Variants in RNF130 observed in about 807,000 individuals in gnomAD.
RNF130 encodes the protein E3 ubiquitin-protein ligase RNF130.
In RNF130, 21 loss-of-function variants were observed where a neutral mutation model predicts 44.6. That is an observed-to-expected ratio of 0.47 (90% CI 0.33 to 0.68). The LOEUF (loss-of-function observed/expected upper bound fraction) is 0.68. Among genes scored for constraint, RNF130 ranks in the 30% least tolerant of loss-of-function variants. The pLI, the probability that RNF130 is intolerant of heterozygous loss-of-function variation, is 0.02. For synonymous variants in RNF130, 214 were observed against 210.4 expected (o/e 1.02, Z -0.15); for missense variants, 479 against 560.6 (o/e 0.85, Z 1.47).
intron 5 of RNF130, among the ~76,000 whole-genome samples, chr5:179,972,538 T>C (rs1218847689): frequency 1.3e-5 from 2 of 151,616 alleles, no homozygotes; most frequent in Admixed American, 1.3e-4. Context: ...GGGGGAGGCC[T>C]AGGTGCCTTG....
At chr5:180,062,284 T>C (rs1268719880) in intron 1 of RNF130, among the ~76,000 whole-genome samples, 1 of 151,870 alleles carries the variant, frequency 6.6e-6, no homozygotes, top group Non-Finnish European at 1.5e-5. Flanking sequence ...ATGGTCTCGA[T>C]CTCCTGACCT....
intron 3 of RNF130, among the ~76,000 whole-genome samples, chr5:180,009,580 G>T (rs1012387889): frequency 2.0e-4 from 31 of 152,322 alleles, no homozygotes; most frequent in Middle Eastern, 6.8e-3. Flanking sequence ...ACCAAGTGCT[G>T]TCGAGAGTGT....
intron 2 of RNF130, among the ~76,000 whole-genome samples, chr5:180,019,815 C>T (rs1763831667): frequency 6.6e-6 from 1 of 152,198 alleles, no homozygotes; most frequent in Non-Finnish European, 1.5e-5. Flanking sequence ...TCCCTTCTGT[C>T]AGAAAAATAA....
intron 7 of RNF130, chr5:179,934,323 C>CGGCGACCACCGAGA: frequency 6.5e-6 from 1 of 154,212 alleles, no homozygotes; most frequent in Admixed American, 6.4e-5. Flanking sequence ...AAATCTGAAA[C>CGGCGACCACCGAGA]TCTACACCCA....
chr5:179,963,375 G>T, intron 8 of RNF130, 96 bp downstream of exon 8: 1 of 867,914 alleles, frequency 1.2e-6, no homozygotes, highest in Non-Finnish European at 1.9e-6. Flanking sequence ...TATGAAACTG[G>T]TAGAAAGCCA....
exon 8 of RNF130, chr5:179,912,262 C>T (rs766243139): frequency 4.6e-5 from 7 of 152,228 alleles, no homozygotes. Context: ...ACAACTGTGA[C>T]ATATGTGGCC....
intron 2 of RNF130, among the ~76,000 whole-genome samples, chr5:180,037,200 T>A (rs540874967): frequency 6.6e-6 from 1 of 152,194 alleles, no homozygotes; most frequent in African/African-American, 2.4e-5. Flanking sequence ...GCTGTTACAA[T>A]GCTGTAACAC....
At chr5:180,071,186 C>G (rs1033335000) in intron 1 of RNF130, among the ~76,000 whole-genome samples, 2 of 152,236 alleles carry the variant, frequency 1.3e-5, no homozygotes, top group African/African-American at 4.8e-5. Context: ...AAACTCCTAG[C>G]TCAATGCCCT....
chr5:179,931,447 G>T (rs777393559), intron 7 of RNF130, among the ~76,000 whole-genome samples: 57 of 151,882 alleles, frequency 3.8e-4, no homozygotes, highest in Non-Finnish European at 7.9e-4. Flanking sequence ...TTTGTTGGCA[G>T]TAACAGATTT....
intron 3 of RNF130, among the ~76,000 whole-genome samples, chr5:179,982,823 A>G (rs1039667130): frequency 6.6e-6 from 1 of 152,178 alleles, no homozygotes; most frequent in Non-Finnish European, 1.5e-5. Context: ...GGCTCAAGCA[A>G]TCCTCTCACT....
chr5:180,009,522 CCACAAGAGATGTTACTA>C (rs2113077308), intron 3 of RNF130, among the ~76,000 whole-genome samples: 1 of 152,270 alleles, frequency 6.6e-6, no homozygotes, highest in African/African-American at 2.4e-5. Flanking sequence ...CAAACTAAAA[CCACAAGAGATGTTACTA>C]CACAACTCAA....
intron 1 of RNF130, among the ~76,000 whole-genome samples, chr5:180,046,605 G>C (rs572390373): frequency 1.3e-5 from 2 of 152,176 alleles, no homozygotes; most frequent in Admixed American, 1.3e-4. Flanking sequence ...ACAGGCGGCC[G>C]CACAGCACAG....
chr5:179,990,384 C>T (rs1322954708), intron 3 of RNF130, among the ~76,000 whole-genome samples: 1 of 152,202 alleles, frequency 6.6e-6, no homozygotes, highest in African/African-American at 2.4e-5. Flanking sequence ...GACTTTAACA[C>T]TTTCACTAAT....
At chr5:180,016,643 T>C (rs1379794563) in intron 2 of RNF130, among the ~76,000 whole-genome samples, 1 of 152,222 alleles carries the variant, frequency 6.6e-6, no homozygotes, top group Non-Finnish European at 1.5e-5. Context: ...CCCACTGTTA[T>C]TCTTTAACAG....
intron 1 of RNF130, among the ~76,000 whole-genome samples, chr5:180,050,435 GCAAT>G (rs1764662551): frequency 6.6e-6 from 1 of 152,208 alleles, no homozygotes; most frequent in Admixed American, 6.5e-5. Context: ...ATTATGGAGA[GCAAT>G]CTGCTTTATT....
chr5:180,060,562 C>T (rs1032618743), intron 1 of RNF130, among the ~76,000 whole-genome samples: 22 of 152,224 alleles, frequency 1.4e-4, no homozygotes, highest in Middle Eastern at 3.4e-3. Context: ...ACCAACACAC[C>T]GCGAGGGCCT....
intron 7 of RNF130, chr5:179,933,794 G>A (rs1463913112): frequency 3.2e-6 from 2 of 629,524 alleles, no homozygotes; most frequent in African/African-American, 1.8e-5. Context: ...TTTTAAGTAT[G>A]TATTACATCA....
At position 180,032,414 on chromosome 5, in the gene RNF130, C is replaced by T. The variant is rs144891504; in HGVS notation, c.442+8039G>A. Among the ~76,000 whole-genome samples the T allele has an allele frequency of 3.8e-3, 579 of 152,230 alleles. 5 individuals carry two copies. Among genetic ancestry groups the T allele is most frequent in the African/African-American group, 0.012 (510 of 41,550 alleles). ...CTTGAAACAATCTTGCTCTGTGGCT[C>T]ACCTTAGAGTGCAGTGGTGCCATCA... On this transcript the variant is annotated intron_variant, in intron 2 of 8. Transcript: ENST00000521389.
chr5:179,943,535 T>C (rs1192071667), intron 7 of RNF130, among the ~76,000 whole-genome samples: 2 of 152,080 alleles, frequency 1.3e-5, no homozygotes, highest in African/African-American at 4.8e-5. Context: ...AATTTCAAAC[T>C]AGAAGAAAAA....
Sources: gnomAD v4.1 joint callset for allele counts (sites outside exome capture counted in the v4.1 genomes callset) on GRCh38, gnomAD v4.1.1 for gene constraint, MANE v1.5 for transcripts, NCBI Gene and HGNC (gene_info 2026-07-23, HGNC 2026-07-21) for gene names.